Variants in DLGAP2 observed in about 807,000 individuals in gnomAD.
DLGAP2 encodes DLG associated protein 2.
Under a neutral mutation model 100.3 loss-of-function variants are expected in DLGAP2, and 26 were observed. That is an observed-to-expected ratio of 0.26 (90% CI 0.19 to 0.36). DLGAP2 has a LOEUF of 0.36. DLGAP2 is among the 10% of genes least tolerant of loss of function. The pLI, the probability that DLGAP2 is intolerant of heterozygous loss-of-function variation, is 1.00. For missense variants in DLGAP2, 1,858 were observed against 1,453.2 expected (o/e 1.28, Z -4.53); for synonymous variants, 886 against 630.1 (o/e 1.41, Z -6.08).
Position 1,266,114 on chromosome 8 carries a change from C to G in DLGAP2, c.106+7231C>G, listed in dbSNP as rs1244206229. Among the ~76,000 whole-genome samples the G allele has an allele frequency of 1.3e-5, 2 of 152,216 alleles. 1 individual carries two copies. The highest frequency in any genetic ancestry group is 2.9e-5 in the Non-Finnish European group (2 of 68,042). On this transcript the variant is annotated intron_variant, in intron 3 of 14. Coordinates refer to ENST00000637795, the MANE Select transcript of DLGAP2 (RefSeq NM_001346810.2). The stretch of plus-strand genomic sequence containing the variant: ...CTCACTGAAGGGAGTGGGTGTAACC[C>G]AGGAAAAGCAGAGACGCTCTGAAAG...
At chr8:1,181,376 C>T (rs964259402) in intron 2 of DLGAP2, among the ~76,000 whole-genome samples, 1 of 152,104 alleles carries the variant, frequency 6.6e-6, no homozygotes, top group African/African-American at 2.4e-5. Flanking sequence ...TTTTCTGTCC[C>T]TGTGTTAGAT....
intron 2 of DLGAP2, among the ~76,000 whole-genome samples, chr8:1,084,398 G>C (rs1231014496): frequency 6.6e-6 from 1 of 152,134 alleles, no homozygotes; most frequent in Non-Finnish European, 1.5e-5. Context: ...GAGAACATTA[G>C]AAATTTACTC....
At chr8:1,323,101 G>A (rs1027082742) in intron 3 of DLGAP2, among the ~76,000 whole-genome samples, 6 of 151,708 alleles carry the variant, frequency 4.0e-5, no homozygotes, top group African/African-American at 1.5e-4. Context: ...CGTGATCTCG[G>A]TTCATGCAAC....
chr8:993,569 T>A (rs1005897184), intron 2 of DLGAP2, among the ~76,000 whole-genome samples: 9 of 151,992 alleles, frequency 5.9e-5, no homozygotes, highest in Non-Finnish European at 4.4e-5. Context: ...GGCGTTTGTT[T>A]CTGCTGGTCA....
intron 2 of DLGAP2, among the ~76,000 whole-genome samples, chr8:1,145,296 C>G (rs936118253): frequency 5.9e-5 from 9 of 152,166 alleles, no homozygotes; most frequent in Non-Finnish European, 2.9e-5. Flanking sequence ...CTCCAGGAAG[C>G]CGCTGTTTTT....
chr8:1,650,452 C>T (rs1798136748), intron 8 of DLGAP2, among the ~76,000 whole-genome samples: 1 of 152,214 alleles, frequency 6.6e-6, no homozygotes, highest in Non-Finnish European at 1.5e-5. Flanking sequence ...TTATAAGGCA[C>T]AGGAGTGGTC....
rs532372908 is a variant in DLGAP2, at chr8:895,354, G to A, written c.19-12558G>A. ...GGATGTGTATAATGTAATAGCTGTT[G>A]CAGTTGCAGTGTTGTTTTATCTGCA... On this transcript the variant is annotated intron_variant, in intron 1 of 14. Transcript: ENST00000637795. Among the ~76,000 whole-genome samples the A allele has an allele frequency of 3.3e-5, 5 of 152,250 alleles. No individual in the cohort carries two copies. In the East Asian group the frequency reaches 9.6e-4, roughly 29 times the overall value.
At chr8:881,666 AAC>A (rs1554439018) in intron 1 of DLGAP2, among the ~76,000 whole-genome samples, 3 of 131,048 alleles carry the variant, frequency 2.3e-5, no homozygotes, top group Non-Finnish European at 3.4e-5. Flanking sequence ...CTTGTGGCTG[AAC>A]ACACACACAC....
chr8:983,543 C>T (rs1159824824), intron 2 of DLGAP2, among the ~76,000 whole-genome samples: 1 of 152,240 alleles, frequency 6.6e-6, no homozygotes, highest in Non-Finnish European at 1.5e-5. Flanking sequence ...ATCGTACATA[C>T]CCTGGATATG....
intron 3 of DLGAP2, among the ~76,000 whole-genome samples, chr8:1,377,311 G>A (rs559469437): frequency 3.3e-5 from 5 of 152,342 alleles, no homozygotes; most frequent in South Asian, 2.1e-4. Context: ...TTGGGAGGCC[G>A]AGGCGGGCGA....
At chr8:1,057,825 A>C (rs896848989) in intron 2 of DLGAP2, among the ~76,000 whole-genome samples, 3 of 152,210 alleles carry the variant, frequency 2.0e-5, no homozygotes, top group African/African-American at 7.2e-5. Context: ...AAAACAAAGT[A>C]CTTGTTGAAG....
At chr8:1,249,645 A>C (rs1198058234) in intron 2 of DLGAP2, among the ~76,000 whole-genome samples, 3 of 152,220 alleles carry the variant, frequency 2.0e-5, no homozygotes, top group African/African-American at 7.2e-5. Context: ...AGACATAAAC[A>C]AGCTGATTAT....
intron 3 of DLGAP2, among the ~76,000 whole-genome samples, chr8:1,483,684 G>GGTGGGGACCAGGGAGGCAGGTGCAGGAC (rs1394193391): frequency 1.2e-4 from 18 of 150,934 alleles, no homozygotes; most frequent in East Asian, 1.2e-3. Context: ...AGGTGCAGGA[G>GGTGGGGACCAGGGAGGCAGGTGCAGGAC]GTGGGGACCA....
intron 3 of DLGAP2, among the ~76,000 whole-genome samples, chr8:1,323,696 C>G (rs1439371471): frequency 2.0e-5 from 3 of 152,200 alleles, no homozygotes; most frequent in Admixed American, 1.3e-4. Flanking sequence ...AGAACAATCC[C>G]AAACTTGCCA....
intron 3 of DLGAP2, among the ~76,000 whole-genome samples, chr8:1,446,057 T>G (rs1175736738): frequency 6.6e-6 from 1 of 151,822 alleles, no homozygotes; most frequent in Admixed American, 6.6e-5. Flanking sequence ...TTCACTCTGA[T>G]GGTAGTTTCT....
intron 2 of DLGAP2, among the ~76,000 whole-genome samples, chr8:1,216,285 A>C (rs141669233): frequency 3.9e-5 from 6 of 152,250 alleles, no homozygotes; most frequent in African/African-American, 2.4e-5. Flanking sequence ...AGCTCAGTCA[A>C]CTTCATACAG....
chr8:893,319 G>A (rs890634663), intron 1 of DLGAP2, among the ~76,000 whole-genome samples: 1 of 152,228 alleles, frequency 6.6e-6, no homozygotes, highest in Non-Finnish European at 1.5e-5. Flanking sequence ...GGCAGGCACG[G>A]TGGAAGACCC....
At chr8:1,659,097 T>TACCCAGTAGTCATTC (rs1256667849) in intron 8 of DLGAP2, among the ~76,000 whole-genome samples, 1 of 152,220 alleles carries the variant, frequency 6.6e-6, no homozygotes, top group Non-Finnish European at 1.5e-5. Flanking sequence ...TTTCGTTATT[T>TACCCAGTAGTCATTC]ACCCAGTAGT....
intron 3 of DLGAP2, among the ~76,000 whole-genome samples, chr8:1,364,227 C>G (rs935487255): frequency 2.0e-5 from 3 of 152,190 alleles, no homozygotes. Context: ...GGGCTGGATC[C>G]CAGCTGTGGG....
Sources: gnomAD v4.1 joint callset for allele counts (sites outside exome capture counted in the v4.1 genomes callset) on GRCh38, gnomAD v4.1.1 for gene constraint, MANE v1.5 for transcripts, NCBI Gene and HGNC (gene_info 2026-07-23, HGNC 2026-07-21) for gene names.